The following EVI5 variants were observed in gnomAD, a reference collection of about 807,000 sequenced individuals.
EVI5 encodes ecotropic viral integration site 5 protein homolog.
EVI5 carries 73 observed loss-of-function variants against 112.0 expected under a neutral mutation model. The observed-to-expected ratio is 0.65, with a 90% CI of 0.54 to 0.79. EVI5 has a LOEUF of 0.79. EVI5 is among the 30% of genes least tolerant of loss of function. The pLI is 0.00. For missense variants in EVI5, 900 were observed against 968.8 expected (o/e 0.93, Z 0.94); for synonymous variants, 305 against 319.9 (o/e 0.95, Z 0.50).
At chr1:92,534,119 G>T (rs1338322588) in intron 19 of EVI5, among the ~76,000 whole-genome samples, 4 of 151,980 alleles carry the variant, frequency 2.6e-5, no homozygotes, top group Non-Finnish European at 5.9e-5. Flanking sequence ...AAATCACAAG[G>T]ATTCCTATAT....
intron 3 of EVI5, 80 bp from the exon 4 acceptor site, chr1:92,703,699 G>T: frequency 1.2e-6 from 1 of 818,056 alleles, no homozygotes; most frequent in Non-Finnish European, 1.9e-6. Flanking sequence ...TTAGGGGGTT[G>T]GAATGAAGTA....
rs147173044 is a variant in EVI5, at chr1:92,513,774, A to G, written c.2363T>C (p.Val788Ala). 6.2e-4 allele frequency: 994 copies of G among 1,613,600 alleles called. 1 individual carries two copies. The highest frequency in any genetic ancestry group is 1.0e-3 in the South Asian group (91 of 91,046). Residue 788 changes from valine (V) to alanine (A), a missense_variant, in exon 20 of 20, where the codon GTG (valine) becomes GCG (alanine). Val to Ala is a moderately conservative substitution (Grantham distance 64, BLOSUM62 0). Coordinates refer to ENST00000684568, the MANE Select transcript of EVI5 (RefSeq NM_001350197.2). ...KSGSMSLDPA[V>A]ADGSESETED... ...TGTTTCGCTCTCACTACCATCTGCC[A>G]CTGCGGGGTCCAAAGACATCGAACC...
rs569653656 is a variant in EVI5 at position 92,611,074 on chromosome 1, G to A, written c.1828-3347C>T. Among the ~76,000 whole-genome samples the A allele has an allele frequency of 1.2e-3, 176 of 150,116 alleles. 1 individual carries two copies. Among genetic ancestry groups the A allele is most frequent in the African/African-American group, 4.2e-3 (171 of 40,716 alleles). ...TAACTAACCTGCACAATGTGCACAT[G>A]TACCCTAAAACTTAAAGTATAATAA... is the stretch of plus-strand genomic sequence containing the variant. On this transcript the variant is annotated intron_variant, in intron 16 of 19. Transcript: ENST00000684568.
At chr1:92,530,096 A>G (rs1272089191) in intron 19 of EVI5, among the ~76,000 whole-genome samples, 1 of 152,138 alleles carries the variant, frequency 6.6e-6, no homozygotes, top group Admixed American at 6.6e-5. Flanking sequence ...GGTAGGGATT[A>G]TTTCTTAATC....
intron 13 of EVI5, among the ~76,000 whole-genome samples, chr1:92,637,632 A>G (rs1659154634): frequency 6.6e-6 from 1 of 152,196 alleles, no homozygotes; most frequent in African/African-American, 2.4e-5. Flanking sequence ...CTATCACTTC[A>G]CATTTAATTT....
rs1557789296 is a variant in EVI5 at position 92,561,554 on chromosome 1, A to ATCTATCTAT, written c.2166+2087_2166+2088insATAGATAGA. Among the ~76,000 whole-genome samples the ATCTATCTAT allele has an allele frequency of 3.1e-3, 394 of 127,632 alleles. 1 individual carries two copies. Among genetic ancestry groups the ATCTATCTAT allele is most frequent in the Middle Eastern group, 7.9e-3 (2 of 254 alleles). 83.7% of individuals were successfully genotyped at this position (127,632 alleles called of 152,430 possible). ...TTTTCTGGCAGTCCTGATGAGACTG[A>ATCTATCTAT]CTATCTATCTATCTATCTATCTATC... On this transcript the variant is annotated intron_variant, in intron 19 of 19. Transcript: ENST00000684568.
chr1:92,731,265 G>A (rs1018448548), intron 2 of EVI5, among the ~76,000 whole-genome samples: 2 of 152,238 alleles, frequency 1.3e-5, no homozygotes, highest in African/African-American at 4.8e-5. Flanking sequence ...AGAGGTCACA[G>A]TGAGCAGAGA....
chr1:92,645,037 T>C (rs1353932036), intron 13 of EVI5, among the ~76,000 whole-genome samples: 1 of 152,202 alleles, frequency 6.6e-6, no homozygotes, highest in African/African-American at 2.4e-5. Context: ...TGGATGATAG[T>C]ACTGTTCAGG....
At chr1:92,542,507 C>T (rs1370639517) in intron 19 of EVI5, among the ~76,000 whole-genome samples, 2 of 152,194 alleles carry the variant, frequency 1.3e-5, no homozygotes, top group African/African-American at 4.8e-5. Context: ...CCATGAATCA[C>T]AAATGTTCTT....
At chr1:92,592,311 T>C (rs188893160) in intron 18 of EVI5, among the ~76,000 whole-genome samples, 1 of 152,338 alleles carries the variant, frequency 6.6e-6, no homozygotes, top group Admixed American at 6.5e-5. Flanking sequence ...AACCTGCTCC[T>C]GAATGACTAC....
intron 1 of EVI5, among the ~76,000 whole-genome samples, chr1:92,743,304 G>T (rs572048642): frequency 6.6e-6 from 1 of 152,166 alleles, no homozygotes; most frequent in East Asian, 1.9e-4. Context: ...AGTGCATCAA[G>T]ATCGTGCCAC....
intron 5 of EVI5, chr1:92,701,001 T>C (rs1275468000): frequency 1.3e-5 from 2 of 152,216 alleles, no homozygotes; most frequent in Non-Finnish European, 2.9e-5. Flanking sequence ...CATTGTATTA[T>C]TTATAACCTA....
chr1:92,709,109 T>C (rs963175179), intron 2 of EVI5, among the ~76,000 whole-genome samples: 3 of 152,312 alleles, frequency 2.0e-5, no homozygotes, highest in African/African-American at 2.4e-5. Context: ...ATATATGGTA[T>C]ATGAATATCT....
intron 2 of EVI5, among the ~76,000 whole-genome samples, chr1:92,718,457 A>T (rs1674149542): frequency 6.6e-6 from 1 of 152,240 alleles, no homozygotes; most frequent in South Asian, 2.1e-4. Flanking sequence ...GTAAATAACA[A>T]AATGAAGGCA....
chr1:92,696,687 T>G (rs1262742450), intron 6 of EVI5, among the ~76,000 whole-genome samples: 8 of 151,896 alleles, frequency 5.3e-5, no homozygotes, highest in Non-Finnish European at 1.5e-5. Context: ...GCTTTTTCTT[T>G]AAAATATATA....
At chr1:92,618,776 C>T (rs1314714932) in intron 16 of EVI5, among the ~76,000 whole-genome samples, 1 of 152,192 alleles carries the variant, frequency 6.6e-6, no homozygotes, top group Non-Finnish European at 1.5e-5. Flanking sequence ...GAAACAAGGA[C>T]TGTAATTGTC....
intron 1 of EVI5, 67 bp from the exon 2 acceptor site, chr1:92,736,694 T>C: frequency 9.7e-7 from 1 of 1,031,420 alleles, no homozygotes; most frequent in Admixed American, 1.7e-5. Context: ...AACTTAATAA[T>C]TCTGTTAGGA....
At chr1:92,777,624 C>T (rs577354400) in intron 1 of EVI5, among the ~76,000 whole-genome samples, 1 of 152,156 alleles carries the variant, frequency 6.6e-6, no homozygotes. Context: ...AAAGGTATAA[C>T]CCCATAAGGA....
intron 19 of EVI5, among the ~76,000 whole-genome samples, chr1:92,560,512 T>C (rs1487884409): frequency 6.6e-6 from 1 of 152,166 alleles, no homozygotes; most frequent in African/African-American, 2.4e-5. Context: ...ACTTTTGACT[T>C]GGACACGTCT....
Sources: allele counts gnomAD v4.1 joint callset (sites outside exome capture counted in the v4.1 genomes callset), GRCh38; gene constraint gnomAD v4.1.1; transcripts MANE v1.5; gene names NCBI Gene and HGNC (gene_info 2026-07-23, HGNC 2026-07-21).